Variants in CDH18 observed in about 807,000 individuals in gnomAD.
CDH18 encodes cadherin-18.
A neutral mutation model predicts 67.9 loss-of-function variants in CDH18; 31 were observed. The ratio of observed to expected loss-of-function variants is 0.46; its 90% CI spans 0.34 to 0.62. The LOEUF (loss-of-function observed/expected upper bound fraction) is 0.62, where lower values mean the gene tolerates loss of function less well. Ranked by LOEUF, CDH18 falls within the 20% of genes least tolerant of loss-of-function variation. CDH18 has a pLI of 0.01. For synonymous variants in CDH18, 362 were observed against 347.2 expected, an observed-to-expected ratio of 1.04 and a Z score of -0.48; for missense variants, 890 against 975.5, an observed-to-expected ratio of 0.91 and a Z score of 1.17.
At chr5:19,636,685 T>C (rs1753201301) in intron 5 of CDH18, among the ~76,000 whole-genome samples, 1 of 151,896 alleles carries the variant, frequency 6.6e-6, no homozygotes, top group Admixed American at 6.6e-5. Context: ...CTATGGTCAC[T>C]AAAAATAAAT....
intron 3 of CDH18, among the ~76,000 whole-genome samples, chr5:19,801,047 G>A (rs1284466226): frequency 6.6e-6 from 1 of 151,980 alleles, no homozygotes; most frequent in African/African-American, 2.4e-5. Context: ...CACTGCTTGA[G>A]GTTGCAGTGA....
At position 19,898,192 on chromosome 5, in the gene CDH18, A is replaced by T. The variant is rs1319981081; in HGVS notation, c.-256-58950T>A. Among the ~76,000 whole-genome samples the T allele has an allele frequency of 3.3e-5, 5 of 151,968 alleles. No homozygotes were observed. The East Asian group carries it at 9.7e-4, about 29-fold the overall frequency. On this transcript the variant is annotated intron_variant, in intron 2 of 12. Coordinates refer to ENST00000382275, the MANE Select transcript of CDH18 (RefSeq NM_004934.5). ...ATTTTCTCTATGTTATTTATTTATC[A>T]ATAGTATTTTAATATCCAAGAGTAT...
At chr5:19,992,555 A>C (rs1395547184), upstream of CDH18, among the ~76,000 whole-genome samples, 1 of 152,108 alleles carries the variant, frequency 6.6e-6, no homozygotes, top group Non-Finnish European at 1.5e-5. Context: ...CAAAATTTAA[A>C]TGAATATGGA....
chr5:19,573,388 C>G (rs950324880), intron 7 of CDH18, among the ~76,000 whole-genome samples: 13 of 151,972 alleles, frequency 8.6e-5, no homozygotes, highest in African/African-American at 2.4e-4. Context: ...AAGCCATTCT[C>G]CTGCCTCAGC....
intron 2 of CDH18, among the ~76,000 whole-genome samples, chr5:19,944,497 A>G (rs1318794560): frequency 6.6e-6 from 1 of 152,166 alleles, no homozygotes; most frequent in Non-Finnish European, 1.5e-5. Flanking sequence ...ATAGAGATAT[A>G]AATCTTCAAC....
chr5:20,526,050 T>C (rs1756034081), intron 1 of CDH18, among the ~76,000 whole-genome samples: 2 of 151,530 alleles, frequency 1.3e-5, no homozygotes, highest in South Asian at 2.1e-4. Flanking sequence ...CTTCTGCCAG[T>C]GCAAGGGAGG....
At chr5:19,850,454 T>C (rs886900917) in intron 2 of CDH18, among the ~76,000 whole-genome samples, 1 of 151,868 alleles carries the variant, frequency 6.6e-6, no homozygotes, top group African/African-American at 2.4e-5. Flanking sequence ...TCCACCAGCT[T>C]AGAAAAATCA....
intron 1 of CDH18, among the ~76,000 whole-genome samples, chr5:20,572,897 G>A (rs773776777): frequency 6.6e-6 from 1 of 152,112 alleles, no homozygotes; most frequent in African/African-American, 2.4e-5. Flanking sequence ...AAATGAATTG[G>A]TGAAGTAAGC....
At chr5:19,861,773 A>T (rs1784936930) in intron 2 of CDH18, among the ~76,000 whole-genome samples, 1 of 152,132 alleles carries the variant, frequency 6.6e-6, no homozygotes, top group East Asian at 1.9e-4. Flanking sequence ...TTGTGCTTCC[A>T]ATTATTAAGT....
At position 19,571,593 on chromosome 5, in the gene CDH18, A is replaced by G. The variant is rs1227613654; in HGVS notation, c.1239T>C (p.Thr413=). 5.0e-6 allele frequency: 8 copies of G among 1,613,994 alleles called. No individual in the cohort carries two copies. The highest frequency in any genetic ancestry group is 6.8e-6 in the Non-Finnish European group (8 of 1,179,870). Residue 413 remains threonine (T), a synonymous_variant, in exon 8 of 13, where the codon ACT becomes ACC. Transcript: ENST00000382275. ...GCATGCCATACCTTACTAAGCTGTT[A>G]GTACTGTCAGGATCTTGTGCCAAAA... The part of the protein sequence containing the change: ...GTVLAQDPDS[T]NSLVRYFINY...
intron 2 of CDH18, among the ~76,000 whole-genome samples, chr5:20,125,082 T>C (rs1748705629): frequency 6.6e-6 from 1 of 152,188 alleles, no homozygotes. Context: ...TTGTCAGGGA[T>C]TCAGTGTGAC....
chr5:20,082,608 A>G (rs1239671571), intron 2 of CDH18, among the ~76,000 whole-genome samples: 3 of 152,212 alleles, frequency 2.0e-5, no homozygotes, highest in Non-Finnish European at 4.4e-5. Flanking sequence ...GTGTCCCTCA[A>G]GAAAGATATA....
At chr5:19,731,592 C>T (rs1274074309) in intron 4 of CDH18, among the ~76,000 whole-genome samples, 1 of 152,106 alleles carries the variant, frequency 6.6e-6, no homozygotes, top group Non-Finnish European at 1.5e-5. Flanking sequence ...AATCTGGATG[C>T]CTTTGCATTC....
chr5:19,668,614 G>A (rs888782207), intron 5 of CDH18, among the ~76,000 whole-genome samples: 2 of 152,086 alleles, frequency 1.3e-5, no homozygotes, highest in South Asian at 2.1e-4. Context: ...ATAAGTGAGA[G>A]TCAAAAGAGC....
chr5:19,565,182 G>A (rs1051018754), intron 8 of CDH18, among the ~76,000 whole-genome samples: 1 of 152,110 alleles, frequency 6.6e-6, no homozygotes, highest in African/African-American at 2.4e-5. Context: ...GAAGAGCCCT[G>A]GGCCTTAAGG....
chr5:20,541,851 TAC>T (rs984576464), intron 1 of CDH18, among the ~76,000 whole-genome samples: 27 of 152,220 alleles, frequency 1.8e-4, no homozygotes, highest in African/African-American at 6.5e-4. Context: ...AGTGATGAAG[TAC>T]AGAGTCAATA....
intron 9 of CDH18, among the ~76,000 whole-genome samples, chr5:19,538,116 C>G (rs1749696145): frequency 6.6e-6 from 1 of 152,030 alleles, no homozygotes; most frequent in Non-Finnish European, 1.5e-5. Flanking sequence ...ATACCAGGGA[C>G]ACATAAAGGG....
intron 2 of CDH18, among the ~76,000 whole-genome samples, chr5:20,235,530 G>A (rs776835294): frequency 5.9e-5 from 9 of 151,986 alleles, no homozygotes; most frequent in African/African-American, 9.7e-5. Flanking sequence ...AAAAATGTTC[G>A]TCATCACTAA....
intron 1 of CDH18, among the ~76,000 whole-genome samples, chr5:20,550,628 A>T (rs568019926): frequency 6.6e-6 from 1 of 152,320 alleles, no homozygotes; most frequent in Admixed American, 6.5e-5. Flanking sequence ...AAATACTCCT[A>T]GTTAGAGCCC....
Sources: gnomAD v4.1 joint callset for allele counts (sites outside exome capture counted in the v4.1 genomes callset) on GRCh38, gnomAD v4.1.1 for gene constraint, MANE v1.5 for transcripts, NCBI Gene and HGNC (gene_info 2026-07-23, HGNC 2026-07-21) for gene names.